CSMD1: variants seen among roughly 807,000 people sequenced by gnomAD.
The protein encoded by CSMD1 is CUB and sushi domain-containing protein 1.
CSMD1 carries 213 observed loss-of-function variants against 417.5 expected under a neutral mutation model. That is an observed-to-expected ratio of 0.51 (90% CI 0.46 to 0.57). The LOEUF is 0.57. Ranked by LOEUF, CSMD1 falls within the 20% of genes least tolerant of loss-of-function variation. CSMD1 has a pLI of 0.00. For missense variants in CSMD1, 6,923 were observed against 4,529.7 expected (o/e 1.53, Z -15.17); for synonymous variants, 2,862 against 1,736.8 (o/e 1.65, Z -16.11).
At position 4,453,469 on chromosome 8, in the gene CSMD1, G is replaced by T. The variant is rs546167245; in HGVS notation, c.303-33404C>A. On this transcript the variant is annotated intron_variant, in intron 2 of 69. Transcript: ENST00000635120. ...GGTGCAGCAGCAAGAACGGTGATGC[G>T]AAGTCTGGCTGAATTCAAAGCCATG... is the stretch of plus-strand genomic sequence containing the variant. 5.9e-5 allele frequency among the ~76,000 whole-genome samples: 9 copies of T among 152,268 alleles called. 1 individual carries two copies. The East Asian group carries it at 1.4e-3, about 23-fold the overall frequency.
chr8:3,785,140 C>G (rs556071963), intron 5 of CSMD1, among the ~76,000 whole-genome samples: 35 of 152,172 alleles, frequency 2.3e-4, no homozygotes, highest in Non-Finnish European at 4.0e-4. Context: ...TGGGTAAGTT[C>G]TTTAACTTCT....
intron 5 of CSMD1, among the ~76,000 whole-genome samples, chr8:3,928,302 T>C (rs991107248): frequency 6.6e-6 from 1 of 152,224 alleles, no homozygotes; most frequent in Non-Finnish European, 1.5e-5. Flanking sequence ...ATTCAACTTC[T>C]TGAATGTATT....
chr8:4,046,513 T>C (rs1798155309), intron 3 of CSMD1, among the ~76,000 whole-genome samples: 1 of 152,200 alleles, frequency 6.6e-6, no homozygotes, highest in African/African-American at 2.4e-5. Context: ...TTGTGGTTGC[T>C]GTTGCCTTAC....
At position 4,328,242 on chromosome 8, in the gene CSMD1, ATT is replaced by A. The variant is rs3067534; in HGVS notation, c.415+91709_415+91710del. 4.8e-3 allele frequency among the ~76,000 whole-genome samples: 603 copies of A among 124,668 alleles called. 1 individual carries two copies. Among genetic ancestry groups the A allele is most frequent in the Middle Eastern group, 0.014 (3 of 216 alleles). 81.8% of individuals were successfully genotyped at this position (124,668 alleles called of 152,430 possible). On this transcript the variant is annotated intron_variant, in intron 3 of 69. Coordinates refer to ENST00000635120, the MANE Select transcript of CSMD1 (RefSeq NM_033225.6). Reference sequence around the variant, plus strand: ...ACCCAATTACATTGCACTCAATACAATTTTTTTTTTTTTTTTTTTTTTTGAGA... The same window carrying A: ...ACCCAATTACATTGCACTCAATACAATTTTTTTTTTTTTTTTTTTTTGAGA...
At chr8:4,236,599 G>C (rs1004509413) in intron 3 of CSMD1, among the ~76,000 whole-genome samples, 3 of 152,138 alleles carry the variant, frequency 2.0e-5, no homozygotes, top group African/African-American at 7.2e-5. Context: ...ACAAATTTAA[G>C]CTTAGGTTCT....
chr8:4,269,047 T>C (rs1374749449), intron 3 of CSMD1, among the ~76,000 whole-genome samples: 1 of 152,196 alleles, frequency 6.6e-6, no homozygotes, highest in African/African-American at 2.4e-5. Flanking sequence ...CAAGGTATCA[T>C]CTTCGTCTTT....
intron 23 of CSMD1, among the ~76,000 whole-genome samples, chr8:3,324,180 C>A (rs957348298): frequency 8.2e-6 from 1 of 121,422 alleles, no homozygotes; most frequent in South Asian, 2.7e-4. Flanking sequence ...GTTTCCTTCA[C>A]CCCACCTTTC....
chr8:3,308,404 C>T lies in CSMD1; in HGVS notation c.3731G>A (p.Cys1244Tyr), dbSNP rs1805056458. 1 of 1,613,806 alleles carries T rather than the reference C, an allele frequency of 6.2e-7. No homozygotes were observed. The highest frequency in any genetic ancestry group is 1.1e-5 in the South Asian group (1 of 91,054). Residue 1244 changes from cysteine (C) to tyrosine (Y), a missense_variant, in exon 24 of 70, where the codon TGC becomes TAC. Transcript: ENST00000635120. Reference protein sequence around the residue: ...HFTDTVVLYSCNPGYAMHGSN... With the variant: ...HFTDTVVLYSYNPGYAMHGSN... The stretch of plus-strand genomic sequence containing the variant: ...GCCATGCATGGCGTACCCCGGGTTG[C>T]AACTGTACAGAACTACAGTGTCGGT...
chr8:3,759,688 G>C (rs952715794), intron 5 of CSMD1, among the ~76,000 whole-genome samples: 15 of 149,328 alleles, frequency 1.0e-4, no homozygotes, highest in African/African-American at 3.5e-4. Flanking sequence ...GAGGTCAGGA[G>C]TTCGAGACCA....
At chr8:3,430,896 G>A (rs553883998) in intron 12 of CSMD1, among the ~76,000 whole-genome samples, 4 of 152,282 alleles carry the variant, frequency 2.6e-5, no homozygotes, top group African/African-American at 7.2e-5. Flanking sequence ...TAAAATAATT[G>A]AAGAAAATTG....
chr8:4,360,441 C>A (rs149418095), intron 3 of CSMD1, among the ~76,000 whole-genome samples: 1 of 152,288 alleles, frequency 6.6e-6, no homozygotes, highest in Non-Finnish European at 1.5e-5. Flanking sequence ...TGTTTTAAGT[C>A]ATAGAAGAGC....
chr8:2,941,244 A>G (rs1217620350), intron 69 of CSMD1, among the ~76,000 whole-genome samples: 1 of 152,216 alleles, frequency 6.6e-6, no homozygotes. Flanking sequence ...AGCAGCTAAT[A>G]CACCTTTGAA....
Position 3,370,100 on chromosome 8 carries a change from C to T in CSMD1, c.2783-730G>A, listed in dbSNP as rs996002051. Reference sequence around the variant, plus strand: ...TAGATACTGATCAAAACGTTATCTACTGAGAGTTGCTAACGGGAATTCAAT... The same window carrying T: ...TAGATACTGATCAAAACGTTATCTATTGAGAGTTGCTAACGGGAATTCAAT... On this transcript the variant is annotated intron_variant, in intron 18 of 69. Coordinates refer to ENST00000635120, the MANE Select transcript of CSMD1 (RefSeq NM_033225.6). Among the ~76,000 whole-genome samples the T allele has an allele frequency of 7.2e-5, 11 of 152,306 alleles. No homozygotes were observed. In the East Asian group the frequency reaches 1.9e-3, roughly 27 times the overall value.
intron 2 of CSMD1, among the ~76,000 whole-genome samples, chr8:4,491,253 A>G (rs969331593): frequency 1.5e-4 from 23 of 152,184 alleles, no homozygotes; most frequent in African/African-American, 5.5e-4. Context: ...AAAGAAATGA[A>G]TTTAGAGAGA....
At chr8:4,252,382 T>C (rs968930104) in intron 3 of CSMD1, among the ~76,000 whole-genome samples, 2 of 152,210 alleles carry the variant, frequency 1.3e-5, no homozygotes, top group African/African-American at 2.4e-5. Context: ...AAGTTATGTA[T>C]TGTCTTTTTC....
Position 3,455,969 on chromosome 8 carries a change from C to G in CSMD1, c.1561+12743G>C, listed in dbSNP as rs367859674. Among the ~76,000 whole-genome samples, 4 of 152,202 alleles carry G rather than the reference C, an allele frequency of 2.6e-5. No individual in the cohort carries two copies. In the East Asian group the frequency reaches 5.8e-4, roughly 22 times the overall value. The stretch of plus-strand genomic sequence containing the variant: ...TGAGGTGGGCTCCACCCAGTTCGAG[C>G]TTCCGGGCTGCTTTGTTTACCTACT... On this transcript the variant is annotated intron_variant, in intron 12 of 69. Coordinates refer to ENST00000635120, the MANE Select transcript of CSMD1 (RefSeq NM_033225.6).
intron 3 of CSMD1, among the ~76,000 whole-genome samples, chr8:4,081,893 A>C (rs928666651): frequency 2.0e-5 from 3 of 152,228 alleles, no homozygotes; most frequent in Non-Finnish European, 4.4e-5. Flanking sequence ...GGATTTAGTT[A>C]CAGTAGTGCT....
intron 1 of CSMD1, among the ~76,000 whole-genome samples, chr8:4,795,429 G>A (rs115985961): frequency 6.2e-4 from 94 of 151,530 alleles, no homozygotes; most frequent in African/African-American, 2.1e-3. Context: ...CCAGCACCAC[G>A]CCAGGCTAAC....
chr8:3,969,368 G>C (rs1346242995), intron 5 of CSMD1, among the ~76,000 whole-genome samples: 3 of 152,186 alleles, frequency 2.0e-5, no homozygotes, highest in Non-Finnish European at 4.4e-5. Context: ...AGAATGCTCA[G>C]AAGCTGAAAA....
Sources: gnomAD v4.1 joint callset for allele counts (sites outside exome capture counted in the v4.1 genomes callset) on GRCh38, gnomAD v4.1.1 for gene constraint, MANE v1.5 for transcripts, NCBI Gene and HGNC (gene_info 2026-07-23, HGNC 2026-07-21) for gene names.